The following SLC35F1 variants were observed in gnomAD, a reference collection of about 807,000 sequenced individuals.
The protein encoded by SLC35F1 is chromosome 6 open reading frame 169.
Under a neutral mutation model 48.7 loss-of-function variants are expected in SLC35F1, and 14 were observed. The ratio of observed to expected loss-of-function variants is 0.29; its 90% confidence interval spans 0.19 to 0.45. The LOEUF is 0.45. Ranked by LOEUF, SLC35F1 falls within the 20% of genes least tolerant of loss-of-function variation. The pLI is 1.00. For missense variants in SLC35F1, 404 were observed against 500.0 expected (o/e 0.81, Z 1.83); for synonymous variants, 190 against 202.2 (o/e 0.94, Z 0.51).
intron 1 of SLC35F1, 136 bp from the exon 2 acceptor site, chr6:118,154,309 T>C: frequency 4.3e-6 from 3 of 705,488 alleles, no homozygotes; most frequent in Admixed American, 3.4e-5. Flanking sequence ...AGGGATTGCT[T>C]TGATGGACTA....
chr6:118,218,738 T>G (rs542600231), intron 2 of SLC35F1, among the ~76,000 whole-genome samples: 1 of 152,330 alleles, frequency 6.6e-6, no homozygotes, highest in African/African-American at 2.4e-5. Flanking sequence ...TCAATTTTGG[T>G]TCCCAAGGGT....
chr6:118,203,337 C>T (rs1349114342), intron 2 of SLC35F1, among the ~76,000 whole-genome samples: 3 of 152,230 alleles, frequency 2.0e-5, no homozygotes, highest in Non-Finnish European at 4.4e-5. Context: ...CATCAAAGGT[C>T]ATCTGTGTGA....
chr6:117,919,353 G>C (rs1775867230), intron 1 of SLC35F1, among the ~76,000 whole-genome samples: 1 of 152,144 alleles, frequency 6.6e-6, no homozygotes, highest in African/African-American at 2.4e-5. Flanking sequence ...AATAATTCTA[G>C]TTTTTCATTT....
intron 1 of SLC35F1, among the ~76,000 whole-genome samples, chr6:118,136,493 T>C (rs1179934360): frequency 6.6e-6 from 1 of 152,224 alleles, no homozygotes; most frequent in Non-Finnish European, 1.5e-5. Flanking sequence ...TCCAATTTTA[T>C]CATAGTTGAG....
At chr6:118,266,790 G>T (rs141130574) in intron 3 of SLC35F1, among the ~76,000 whole-genome samples, 23 of 152,298 alleles carry the variant, frequency 1.5e-4, no homozygotes, top group Non-Finnish European at 2.9e-4. Context: ...AAGTTTGGGG[G>T]ATGTTTACAA....
intron 1 of SLC35F1, 61 bp from the exon 2 acceptor site, chr6:118,154,384 G>A (rs1774108474): frequency 6.8e-7 from 1 of 1,481,086 alleles, no homozygotes; most frequent in African/African-American, 1.4e-5. Flanking sequence ...AGTTTTAATT[G>A]CTATTGTTTT....
intron 1 of SLC35F1, among the ~76,000 whole-genome samples, chr6:118,143,224 A>G (rs1222537124): frequency 2.6e-5 from 4 of 152,318 alleles, no homozygotes; most frequent in Non-Finnish European, 5.9e-5. Flanking sequence ...GTTTTTATTT[A>G]TTCAATAGAT....
At chr6:118,296,007 C>G (rs760091346) in intron 7 of SLC35F1, among the ~76,000 whole-genome samples, 5 of 152,152 alleles carry the variant, frequency 3.3e-5, no homozygotes, top group Non-Finnish European at 7.3e-5. Context: ...TAGCTTCTAG[C>G]AGTGGGGAAG....
At chr6:118,282,924 C>A (rs550170496) in intron 6 of SLC35F1, among the ~76,000 whole-genome samples, 1 of 152,210 alleles carries the variant, frequency 6.6e-6, no homozygotes, top group East Asian at 1.9e-4. Context: ...TGGTCCCATG[C>A]TTTTCTCCTT....
rs551589797 is a variant in SLC35F1, at chr6:118,157,687, A to G, written c.349+3067A>G. 3.9e-5 allele frequency among the ~76,000 whole-genome samples: 6 copies of G among 152,270 alleles called. No homozygotes were observed. In the East Asian group the frequency reaches 1.2e-3, roughly 29 times the overall value. On this transcript the variant is annotated intron_variant, in intron 2 of 7. Transcript: ENST00000360388. ...TGTTTGAGGGCAGGGAGCATCCAGC[A>G]TGGGAGAAAGATAGAGGCCAGAAAA...
intron 1 of SLC35F1, among the ~76,000 whole-genome samples, chr6:118,021,819 T>C (rs899561701): frequency 6.6e-6 from 1 of 152,192 alleles, no homozygotes. Flanking sequence ...CTGGCTGCAG[T>C]TGTTTGGTGG....
At chr6:118,249,628 C>T (rs962737880) in intron 3 of SLC35F1, among the ~76,000 whole-genome samples, 1 of 152,176 alleles carries the variant, frequency 6.6e-6, no homozygotes, top group African/African-American at 2.4e-5. Flanking sequence ...TAAAAGGCTT[C>T]GAGCTGCTTT....
chr6:118,087,166 A>G (rs1773003611), intron 1 of SLC35F1, among the ~76,000 whole-genome samples: 5 of 152,030 alleles, frequency 3.3e-5, no homozygotes, highest in Admixed American at 3.3e-4. Context: ...TGTCAGCAGG[A>G]TTGGTTTCTT....
At chr6:117,940,581 T>G (rs936285437) in intron 1 of SLC35F1, among the ~76,000 whole-genome samples, 5 of 152,148 alleles carry the variant, frequency 3.3e-5, no homozygotes, top group African/African-American at 4.8e-5. Context: ...AACCAAGACA[T>G]GGAATCAACC....
chr6:118,063,143 T>C (rs1247317356), intron 1 of SLC35F1, among the ~76,000 whole-genome samples: 2 of 152,188 alleles, frequency 1.3e-5, no homozygotes, highest in Non-Finnish European at 2.9e-5. Context: ...ATAGATTTAC[T>C]GGTTTATCTT....
In SLC35F1 at chr6:118,007,018, A is replaced by G. The variant is rs530245668; in HGVS notation, c.173+99119A>G. ...TATTTATTCAGTGTTTATTAATTTGACAACACATGTTGTTTTTTTTTTTTA... is the reference window on the plus strand; with the variant it reads ...TATTTATTCAGTGTTTATTAATTTGGCAACACATGTTGTTTTTTTTTTTTA... On this transcript the variant is annotated intron_variant, in intron 1 of 7. Coordinates refer to ENST00000360388, the MANE Select transcript of SLC35F1 (RefSeq NM_001029858.4). Among the ~76,000 whole-genome samples the G allele has an allele frequency of 4.5e-4, 64 of 141,284 alleles. 2 individuals carry two copies. In the East Asian group the frequency reaches 0.012, roughly 26 times the overall value. 92.7% of individuals were successfully genotyped at this position (141,284 alleles called of 152,430 possible).
At chr6:118,128,782 G>A (rs1287228619) in intron 1 of SLC35F1, among the ~76,000 whole-genome samples, 1 of 151,256 alleles carries the variant, frequency 6.6e-6, no homozygotes, top group African/African-American at 2.4e-5. Flanking sequence ...TGCACATTGT[G>A]CACATGTACC....
chr6:118,286,754 C>T (rs573740962), intron 7 of SLC35F1, among the ~76,000 whole-genome samples: 47 of 151,460 alleles, frequency 3.1e-4, no homozygotes, highest in African/African-American at 1.1e-3. Context: ...ATATCCATCA[C>T]CTCACATAGT....
At chr6:118,068,793 G>T (rs1377887613) in intron 1 of SLC35F1, among the ~76,000 whole-genome samples, 2 of 152,152 alleles carry the variant, frequency 1.3e-5, no homozygotes, top group Non-Finnish European at 2.9e-5. Flanking sequence ...TGTGAGGTTG[G>T]TGTTGATTGC....
Sources: gnomAD v4.1 joint callset for allele counts (sites outside exome capture counted in the v4.1 genomes callset) on GRCh38, gnomAD v4.1.1 for gene constraint, MANE v1.5 for transcripts, NCBI Gene and HGNC (gene_info 2026-07-23, HGNC 2026-07-21) for gene names.